CRYBG2: variants seen among roughly 807,000 people sequenced by gnomAD.
The protein encoded by CRYBG2 is crystallin beta-gamma domain containing 2.
In CRYBG2, 106 loss-of-function variants were observed where a neutral mutation model predicts 153.4. The observed-to-expected ratio is 0.69, with a 90% CI of 0.59 to 0.81. The LOEUF is 0.81. Ranked by LOEUF, CRYBG2 falls within the 30% of genes least tolerant of loss-of-function variation. CRYBG2 has a pLI of 0.00. For synonymous variants in CRYBG2, 851 were observed against 877.8 expected (o/e 0.97, Z 0.54); for missense variants, 1,996 against 2,112.0 (o/e 0.95, Z 1.08).
intron 14 of CRYBG2, among the ~76,000 whole-genome samples, chr1:26,331,948 T>C (rs1332722629): frequency 1.3e-5 from 2 of 152,172 alleles, no homozygotes; most frequent in African/African-American, 4.8e-5. Context: ...ATTATGGCAC[T>C]TCTGCAATAG....
intron 1 of CRYBG2, among the ~76,000 whole-genome samples, chr1:26,352,505 G>A (rs978073433): frequency 2.0e-5 from 3 of 152,186 alleles, no homozygotes; most frequent in Admixed American, 1.3e-4. Context: ...GGATGCACAC[G>A]TATCTTACAC....
chr1:26,328,477 A>G (rs1408024570), intron 16 of CRYBG2, 145 bp from the exon 17 acceptor site: 27 of 1,280,854 alleles, frequency 2.1e-5, no homozygotes, highest in Non-Finnish European at 2.6e-5. Flanking sequence ...TAGGGTTCCC[A>G]GGGCGGAGAG....
In CRYBG2 at chr1:26,338,483, G is replaced by A; in HGVS notation, c.3345-6C>T. 6.3e-7 allele frequency: 1 copy of A among 1,597,154 alleles called. No individual in the cohort carries two copies. Among genetic ancestry groups the A allele is most frequent in the Non-Finnish European group, 8.5e-7 (1 of 1,172,594 alleles). ...GTTTGGGGTACAGTAGCCACCTAGGGGAAACAGAGAGGCTGCTGCACCCTA... is the reference window on the plus strand; with the variant it reads ...GTTTGGGGTACAGTAGCCACCTAGGAGAAACAGAGAGGCTGCTGCACCCTA... On this transcript the variant is annotated splice_polypyrimidine_tract_variant and splice_region_variant and intron_variant, in intron 6 of 19. Coordinates refer to ENST00000308182, the MANE Select transcript of CRYBG2 (RefSeq NM_001039775.4).
At chr1:26,352,648 C>CT (rs2074298956) in intron 1 of CRYBG2, among the ~76,000 whole-genome samples, 1 of 152,066 alleles carries the variant, frequency 6.6e-6, no homozygotes, top group Non-Finnish European at 1.5e-5. Context: ...GCCCCCCACT[C>CT]TAAGTGAGCC....
Position 26,336,322 on chromosome 1 carries a change from G to A in CRYBG2, c.4071+16C>T. 1 of 1,613,160 alleles carries A rather than the reference G, an allele frequency of 6.2e-7. No homozygotes were observed. The highest frequency in any genetic ancestry group is 8.5e-7 in the Non-Finnish European group (1 of 1,179,584). ...AGACGTGAGCCCAGCGGCTCCCTGC[G>A]GAGTCCCTGCCTTACCTTTGAGACG... On this transcript the variant is annotated intron_variant, in intron 13 of 19. Transcript: ENST00000308182. The surrounding 1 kb of genome is among the most constrained non-coding windows in gnomAD (Gnocchi z 4.9).
chr1:26,336,144 C>G lies in CRYBG2; in HGVS notation c.4135G>C (p.Ala1379Pro), dbSNP rs372231666. 5 of 1,534,236 alleles carry G rather than the reference C, an allele frequency of 3.3e-6. No individual in the cohort carries two copies. The highest frequency in any genetic ancestry group is 4.4e-6 in the Non-Finnish European group (5 of 1,135,260). ...DHFSFEDDQA[A>P]LPASFRPQSC... is the part of the protein sequence containing the mutation. The stretch of plus-strand genomic sequence containing the variant: ...TGAGGTCGGAAGGAGGCGGGCAGAG[C>G]GGCCTGGTCATCTTCGAAAGAGAAG... Residue 1379 changes from alanine (A) to proline (P), a missense_variant, in exon 14 of 20, where the codon GCT becomes CCT. Ala to Pro is a conservative substitution (Grantham distance 27). Transcript: ENST00000308182. This position sits in a 1 kb window ranked among gnomAD's most constrained non-coding sequence, Gnocchi z 4.9.
intron 18 of CRYBG2, among the ~76,000 whole-genome samples, chr1:26,323,026 C>T (rs372547290): frequency 6.6e-6 from 1 of 152,112 alleles, no homozygotes; most frequent in East Asian, 1.9e-4. Flanking sequence ...TGGCTGCCTC[C>T]CTCAAATGTC....
At chr1:26,322,137 C>A in intron 19 of CRYBG2, 27 bp downstream of exon 19, 1 of 1,604,400 alleles carries the variant, frequency 6.2e-7, no homozygotes, top group South Asian at 1.1e-5. Flanking sequence ...CCCTCAGGAG[C>A]CCTCTTCCCC....
chr1:26,336,717 C>A lies in CRYBG2; in HGVS notation c.3927G>T (p.Gln1309His). 6.3e-7 allele frequency: 1 copy of A among 1,581,190 alleles called. No homozygotes were observed. Among genetic ancestry groups the A allele is most frequent in the East Asian group, 2.3e-5 (1 of 43,180 alleles). Reference sequence around the variant, plus strand: ...ACTGTTCCCCGGAGAAGCCCACCTCCTGGTAGGCCACCCACCTGCAGGAAG... The same window carrying A: ...ACTGTTCCCCGGAGAAGCCCACCTCATGGTAGGCCACCCACCTGCAGGAAG... ...HVLSGVWVAY[Q>H]EVGFSGEQYV... The change falls in exon 12 of 20, where the codon CAG (glutamine) becomes CAT (histidine). Residue 1309 changes from glutamine to histidine, a missense_variant. Gln to His is a conservative substitution (Grantham distance 24). Transcript: ENST00000308182. The surrounding 1 kb of genome is among the most constrained non-coding windows in gnomAD (Gnocchi z 4.9).
At chr1:26,351,088 G>T (rs576803744) in intron 1 of CRYBG2, among the ~76,000 whole-genome samples, 1 of 152,188 alleles carries the variant, frequency 6.6e-6, no homozygotes, top group South Asian at 2.1e-4. Flanking sequence ...GGAAGGTGGA[G>T]GGGTTAGGTA....
At chr1:26,327,955 A>G (rs1299363463) in intron 17 of CRYBG2, among the ~76,000 whole-genome samples, 1 of 151,890 alleles carries the variant, frequency 6.6e-6, no homozygotes, top group Non-Finnish European at 1.5e-5. Flanking sequence ...ACACAAAAAA[A>G]AAAAAGAAAA....
At chr1:26,331,716 T>C (rs1276532349) in intron 14 of CRYBG2, 98 bp from the exon 15 acceptor site, 9 of 1,504,988 alleles carry the variant, frequency 6.0e-6, no homozygotes, top group Admixed American at 1.8e-5. Flanking sequence ...GACTTGATCA[T>C]GATCCCCTGT....
intron 17 of CRYBG2, among the ~76,000 whole-genome samples, chr1:26,327,481 CAAAAAAA>C (rs67397717): frequency 1.5e-4 from 22 of 148,646 alleles, no homozygotes; most frequent in South Asian, 6.6e-4. Context: ...AAACAAAAAA[CAAAAAAA>C]AAAACCAAAA....
intron 16 of CRYBG2, 103 bp from the exon 17 acceptor site, chr1:26,328,435 C>T (rs2073959467): frequency 1.4e-6 from 2 of 1,470,614 alleles, no homozygotes; most frequent in Non-Finnish European, 9.1e-7. Context: ...TCCACCTCCT[C>T]TTCTCCCATG....
chr1:26,332,323 A>AAAAC (rs1457329311), intron 14 of CRYBG2, among the ~76,000 whole-genome samples: 1 of 151,432 alleles, frequency 6.6e-6, no homozygotes. Flanking sequence ...AAAAAAAAAA[A>AAAAC]AGAAAGAAAA....
chr1:26,326,111 C>T (rs945476496), intron 17 of CRYBG2, among the ~76,000 whole-genome samples: 2 of 151,948 alleles, frequency 1.3e-5, no homozygotes, highest in African/African-American at 4.8e-5. Flanking sequence ...AGGCTGGTCT[C>T]GAACTCCTGG....
At chr1:26,340,094 T>G (rs1342947403) in intron 5 of CRYBG2, among the ~76,000 whole-genome samples, 1 of 152,200 alleles carries the variant, frequency 6.6e-6, no homozygotes, top group Non-Finnish European at 1.5e-5. Context: ...GACTCCTTCT[T>G]TAGGTACGGT....
At chr1:26,333,493 G>A (rs1294770154) in intron 14 of CRYBG2, among the ~76,000 whole-genome samples, 1 of 151,890 alleles carries the variant, frequency 6.6e-6, no homozygotes, top group African/African-American at 2.4e-5. Flanking sequence ...TTGAACCCGG[G>A]AGGCAGAGGT....
rs148975691 is a variant in CRYBG2, at chr1:26,322,189, G to A, written c.4872C>T (p.Phe1624=). 1.2e-3 allele frequency: 1,880 copies of A among 1,614,038 alleles called. 17 individuals are homozygous for A. In the African/African-American group the frequency reaches 0.017, roughly 14 times the overall value. The part of the protein sequence containing the change: ...SESGHICSQM[F]EGQILDVKGG... ...CCTTCACGTCCAGGATCTGGCCTTCGAACATCTGGCTGCAGATGTGGCCCG... is the reference window on the plus strand; with the variant it reads ...CCTTCACGTCCAGGATCTGGCCTTCAAACATCTGGCTGCAGATGTGGCCCG... The change falls in exon 19 of 20, where the codon TTC becomes TTT. Residue 1624 remains phenylalanine (F), a synonymous_variant. Transcript: ENST00000308182.
Sources: allele counts gnomAD v4.1 joint callset (sites outside exome capture counted in the v4.1 genomes callset), GRCh38; gene constraint gnomAD v4.1.1; non-coding constraint Gnocchi (gnomAD v3.1); transcripts MANE v1.5; gene names NCBI Gene and HGNC (gene_info 2026-07-23, HGNC 2026-07-21).